CXCL16: variants seen among roughly 807,000 people sequenced by gnomAD.
The protein encoded by CXCL16 is C-X-C motif chemokine ligand 16, also known as C-X-C motif chemokine 16.
Under a neutral mutation model 23.8 loss-of-function variants are expected in CXCL16, and 18 were observed. That is an observed-to-expected ratio of 0.76 (90% CI 0.52 to 1.12). CXCL16 has a LOEUF of 1.12. Among genes scored for constraint, CXCL16 ranks in the 50% most tolerant of loss-of-function variants. The pLI, the probability that CXCL16 is intolerant of heterozygous loss-of-function variation, is 0.00. For synonymous variants in CXCL16, 123 were observed against 132.5 expected, an observed-to-expected ratio of 0.93 and a Z score of 0.49; for missense variants, 297 against 315.4, an observed-to-expected ratio of 0.94 and a Z score of 0.44.
chr17:4,739,530 G>A lies in CXCL16; in HGVS notation c.-191C>T, dbSNP rs1916281484. ...TGCCCCGACCGTGCGCTCAGTACTC[G>A]GCCCGCGCCATGCCAGCCTCTGGAC... On this transcript the variant is annotated 5_prime_UTR_variant, in exon 1 of 6. Transcript: ENST00000293778. This position sits in a 1 kb window ranked among gnomAD's most constrained non-coding sequence, Gnocchi z 5.3. The A allele has an allele frequency of 1.2e-6, 1 of 821,908 alleles. No individual in the cohort carries two copies. The highest frequency in any genetic ancestry group is 3.0e-5 in the East Asian group (1 of 33,350). The allele number at this position is 821,908 out of a possible 1,614,324, so 50.9% of individuals were successfully genotyped here.
rs1916262651 is a variant in CXCL16, at chr17:4,739,209, C to T, written c.79+52G>A. On this transcript the variant is annotated intron_variant, in intron 1 of 5. Coordinates refer to ENST00000293778, the MANE Select transcript of CXCL16 (RefSeq NM_001386809.1). This position sits in a 1 kb window ranked among gnomAD's most constrained non-coding sequence, Gnocchi z 5.3. ...GGCCTCGTGTCCCCTCCCCAACTCA[C>T]CCCCTTCCCGTGACAGGGGAATCTG... The T allele has an allele frequency of 6.5e-7, 1 of 1,550,308 alleles. No homozygotes were observed. Among genetic ancestry groups the T allele is most frequent in the Non-Finnish European group, 8.7e-7 (1 of 1,144,142 alleles).
chr17:4,734,488 C>CA lies in CXCL16; in HGVS notation c.*24-10dup. ...CAACATAGAGTCCGTCTCTAAAAAA[C>CA]AAAAAACAAAAACAAGTATGTATAC... On this transcript the variant is annotated splice_polypyrimidine_tract_variant and intron_variant, in intron 5 of 5. Transcript: ENST00000293778. 1 of 826,212 alleles carries CA rather than the reference C, an allele frequency of 1.2e-6. No individual in the cohort carries two copies. The highest frequency in any genetic ancestry group is 2.7e-5 in the East Asian group (1 of 37,098). The allele number at this position is 826,212 out of a possible 1,614,324, so 51.2% of individuals were successfully genotyped here.
chr17:4,735,242 T>G lies in CXCL16; in HGVS notation c.568A>C (p.Lys190Gln), dbSNP rs1916117944. The G allele has an allele frequency of 2.5e-6, 4 of 1,614,150 alleles. No homozygotes were observed. The East Asian group carries it at 8.9e-5, about 36-fold the overall frequency. ...GGACCAGCATTTTTTTCCGGCTGCT[T>G]CTGGTTCTCCCCAGCCTCAGGCCCA... ...AAGPEAGENQ[K>Q]QPEKNAGPTA... Residue 190 changes from lysine to glutamine, a missense_variant, in exon 4 of 6, where the codon AAG becomes CAG. Transcript: ENST00000293778.
chr17:4,737,007 G>T (rs1179531181), intron 3 of CXCL16, among the ~76,000 whole-genome samples: 1 of 151,686 alleles, frequency 6.6e-6, no homozygotes, highest in South Asian at 2.1e-4. Context: ...AGTAGAGATG[G>T]GGTTTTACCA....
Position 4,738,993 on chromosome 17 carries a change from A to G in CXCL16, c.80-73T>C, listed in dbSNP as rs1478067334. The G allele has an allele frequency of 7.7e-6, 12 of 1,550,786 alleles. No individual in the cohort carries two copies. The highest frequency in any genetic ancestry group is 2.3e-5 in the East Asian group (1 of 44,156). ...CCACTCCGCTGTTCCCTGGCATCCA[A>G]TCCACAGCCCCATGACAGCCTCTCG... On this transcript the variant is annotated intron_variant, in intron 1 of 5. Coordinates refer to ENST00000293778, the MANE Select transcript of CXCL16 (RefSeq NM_001386809.1). This position sits in a 1 kb window ranked among gnomAD's most constrained non-coding sequence, Gnocchi z 4.0.
Position 4,738,402 on chromosome 17 carries a change from T to C in CXCL16, c.301+6A>G, listed in dbSNP as rs1440237937. ...CAGAGCCTGAAGAGCAGTGGAAAAGTCTCACCTTTGAGATCAAGACAGCTC... is the reference window on the plus strand; with the variant it reads ...CAGAGCCTGAAGAGCAGTGGAAAAGCCTCACCTTTGAGATCAAGACAGCTC... On this transcript the variant is annotated splice_donor_region_variant and intron_variant, in intron 3 of 5. Transcript: ENST00000293778. This position sits in a 1 kb window ranked among gnomAD's most constrained non-coding sequence, Gnocchi z 4.0. The C allele has an allele frequency of 6.2e-7, 1 of 1,611,182 alleles. No individual in the cohort carries two copies.
At position 4,734,344 on chromosome 17, in the gene CXCL16, A is replaced by G. The variant is rs1156707894; in HGVS notation, c.*159T>C. ...GAGAGGGCAGTGGCTGGTTAGTCCT[A>G]TGTTAGATATTAACAAATACGTGTA... On this transcript the variant is annotated 3_prime_UTR_variant, in exon 6 of 6. Coordinates refer to ENST00000293778, the MANE Select transcript of CXCL16 (RefSeq NM_001386809.1). 4 of 387,480 alleles carry G rather than the reference A, an allele frequency of 1.0e-5. No individual in the cohort carries two copies. Among genetic ancestry groups the G allele is most frequent in the Admixed American group, 4.0e-5 (1 of 25,032 alleles). The allele number at this position is 387,480 out of a possible 1,614,324, so 24.0% of individuals were successfully genotyped here.
intron 4 of CXCL16, 44 bp from the exon 5 acceptor site, chr17:4,734,696 G>C: frequency 6.6e-7 from 1 of 1,525,566 alleles, no homozygotes; most frequent in Non-Finnish European, 9.1e-7. Context: ...TGAGATCAAG[G>C]ACAGTGTTTG....
Position 4,739,432 on chromosome 17 carries a change from G to A in CXCL16, c.-93C>T, listed in dbSNP as rs766669724. The A allele has an allele frequency of 5.0e-6, 8 of 1,587,670 alleles. No homozygotes were observed. In the African/African-American group the frequency reaches 5.4e-5, roughly 11 times the overall value. On this transcript the variant is annotated 5_prime_UTR_variant, in exon 1 of 6. Coordinates refer to ENST00000293778, the MANE Select transcript of CXCL16 (RefSeq NM_001386809.1). This position sits in a 1 kb window ranked among gnomAD's most constrained non-coding sequence, Gnocchi z 5.3. ...GTGACGTCCAGCTGGTGTCTCAATG[G>A]CTTTCGCCGGGGACCGGAGGAGACG...
At position 4,739,064 on chromosome 17, in the gene CXCL16, G is replaced by T. The variant is rs1273107065; in HGVS notation, c.80-144C>A. 9 of 1,191,124 alleles carry T rather than the reference G, an allele frequency of 7.6e-6. No individual in the cohort carries two copies. The highest frequency in any genetic ancestry group is 9.3e-6 in the Non-Finnish European group (8 of 860,914). The allele number at this position is 1,191,124 out of a possible 1,614,324, so 73.8% of individuals were successfully genotyped here. ...CCAGGCTCAACCCACACATCATCAC[G>T]CCCCCGACAACATCCATAATCCCGC... On this transcript the variant is annotated intron_variant, in intron 1 of 5. Coordinates refer to ENST00000293778, the MANE Select transcript of CXCL16 (RefSeq NM_001386809.1). This position sits in a 1 kb window ranked among gnomAD's most constrained non-coding sequence, Gnocchi z 5.3.
Position 4,739,120 on chromosome 17 carries a change from C to G in CXCL16, c.79+141G>C, listed in dbSNP as rs944375856. ...GCCAGGCGTCCCCGGGCCTCTGTCC[C>G]CAACCCCAGGCGGCTGGCTGGCTTT... On this transcript the variant is annotated intron_variant, in intron 1 of 5. Transcript: ENST00000293778. The surrounding 1 kb of genome is among the most constrained non-coding windows in gnomAD (Gnocchi z 5.3). The G allele has an allele frequency of 1.1e-4, 144 of 1,283,226 alleles. No individual in the cohort carries two copies. In the Middle Eastern group the frequency reaches 1.3e-3, roughly 12 times the overall value. 79.5% of individuals were successfully genotyped at this position (1,283,226 alleles called of 1,614,324 possible).
Position 4,739,382 on chromosome 17 carries a change from C to T in CXCL16, c.-43G>A. On this transcript the variant is annotated 5_prime_UTR_variant, in exon 1 of 6. Coordinates refer to ENST00000293778, the MANE Select transcript of CXCL16 (RefSeq NM_001386809.1). The surrounding 1 kb of genome is among the most constrained non-coding windows in gnomAD (Gnocchi z 5.3). ...TCTGCGGGGATGGAGCCACCTCGCT[C>T]TGACTCCCAGACATGCTCCGGCGCG... 4 of 1,612,460 alleles carry T rather than the reference C, an allele frequency of 2.5e-6. No homozygotes were observed. Among genetic ancestry groups the T allele is most frequent in the Non-Finnish European group, 3.4e-6 (4 of 1,179,768 alleles).
rs1479531123 is a variant in CXCL16, at chr17:4,739,108, G to T, written c.79+153C>A. The T allele has an allele frequency of 5.8e-6, 7 of 1,214,402 alleles. No individual in the cohort carries two copies. Among genetic ancestry groups the T allele is most frequent in the Admixed American group, 5.2e-5 (2 of 38,138 alleles). 75.2% of individuals were successfully genotyped at this position (1,214,402 alleles called of 1,614,324 possible). On this transcript the variant is annotated intron_variant, in intron 1 of 5. Transcript: ENST00000293778. The surrounding 1 kb of genome is among the most constrained non-coding windows in gnomAD (Gnocchi z 5.3). Reference sequence around the variant, plus strand: ...ATCCCGCCCGGAGCCAGGCGTCCCCGGGCCTCTGTCCCCAACCCCAGGCGG... The same window carrying T: ...ATCCCGCCCGGAGCCAGGCGTCCCCTGGCCTCTGTCCCCAACCCCAGGCGG...
rs1344485453 is a variant in CXCL16 at position 4,733,804 on chromosome 17, G to A, written c.*699C>T. 1 of 152,662 alleles carries A rather than the reference G, an allele frequency of 6.6e-6. No homozygotes were observed. The highest frequency in any genetic ancestry group is 2.4e-5 in the African/African-American group (1 of 41,422). The allele number at this position is 152,662 out of a possible 1,614,324, so 9.5% of individuals were successfully genotyped here. A position where few individuals can be genotyped will look rare whatever the true frequency, so the allele number is the denominator to read the frequency against. On this transcript the variant is annotated 3_prime_UTR_variant, in exon 6 of 6. Transcript: ENST00000293778. ...TGGGAGAGAGATTTGGGACGAGGGGGAACCATCAGCAAAAAATGAAGCCAG... is the reference window on the plus strand; with the variant it reads ...TGGGAGAGAGATTTGGGACGAGGGGAAACCATCAGCAAAAAATGAAGCCAG...
Position 4,738,846 on chromosome 17 carries a change from C to G in CXCL16, c.154G>C (p.Val52Leu). The G allele has an allele frequency of 6.2e-7, 1 of 1,614,168 alleles. No homozygotes were observed. The highest frequency in any genetic ancestry group is 8.5e-7 in the Non-Finnish European group (1 of 1,180,026). The change falls in exon 2 of 6, where the codon GTT (valine) becomes CTT (leucine). Residue 52 changes from valine (V) to leucine (L), a missense_variant. Physicochemically the swap from Val to Leu is conservative, Grantham distance 32. Transcript: ENST00000293778. This position sits in a 1 kb window ranked among gnomAD's most constrained non-coding sequence, Gnocchi z 4.0. ...KRISSDSPPS[V>L]QFMNRLRKHL... ...TTCCGGAGACGATTCATGAACTGAA[C>G]CGATGGCGGGGAGTCGGAAGAAATT...
Position 4,735,117 on chromosome 17 carries a change from C to T in CXCL16, c.693G>A (p.Arg231=). Residue 231 remains arginine (R), a synonymous_variant, in exon 4 of 6, where the codon AGG becomes AGA. Transcript: ENST00000293778. The part of the protein sequence containing the change: ...ALSYVLCKRR[R]GQSPQSSPDL... The stretch of plus-strand genomic sequence containing the variant: ...CTGGAGAGGACTGCGGTGACTGCCC[C>T]CTCCTCCTCTTGCACAGCACATAGG... The T allele has an allele frequency of 6.2e-7, 1 of 1,610,816 alleles. No individual in the cohort carries two copies. The highest frequency in any genetic ancestry group is 8.5e-7 in the Non-Finnish European group (1 of 1,177,542).
rs1000094385 is a variant in CXCL16, at chr17:4,738,000, C to T, written c.301+408G>A. ...CAAAAATTAGCCAGGCTTGGTGGTG[C>T]GCGCCTGTAATCCCAGCTACTCAGG... is the stretch of plus-strand genomic sequence containing the variant. On this transcript the variant is annotated intron_variant, in intron 3 of 5. Coordinates refer to ENST00000293778, the MANE Select transcript of CXCL16 (RefSeq NM_001386809.1). Among the ~76,000 whole-genome samples, 14 of 148,992 alleles carry T rather than the reference C, an allele frequency of 9.4e-5. 1 individual carries two copies. The highest frequency in any genetic ancestry group is 4.3e-4 in the Admixed American group (6 of 13,942).
chr17:4,738,642 C>T lies in CXCL16; in HGVS notation c.218+140G>A, dbSNP rs532276249. ...TAGGTGAGACGGAGTCATGAAGTTT[C>T]GGGGAATGAGAGCAAACGGAACCCG... On this transcript the variant is annotated intron_variant, in intron 2 of 5. Transcript: ENST00000293778. The surrounding 1 kb of genome is among the most constrained non-coding windows in gnomAD (Gnocchi z 4.0). 2.1e-4 allele frequency: 224 copies of T among 1,051,010 alleles called. 3 individuals are homozygous for T. Among genetic ancestry groups the T allele is most frequent in the South Asian group, 1.9e-3 (121 of 64,844 alleles). The allele number at this position is 1,051,010 out of a possible 1,614,324, so 65.1% of individuals were successfully genotyped here.
In CXCL16 at chr17:4,738,575, C is replaced by T; in HGVS notation, c.219-85G>A. 8.6e-7 allele frequency: 1 copy of T among 1,161,866 alleles called. No homozygotes were observed. The allele number at this position is 1,161,866 out of a possible 1,614,324, so 72.0% of individuals were successfully genotyped here. A position where few individuals can be genotyped will look rare whatever the true frequency, so the allele number is the denominator to read the frequency against. On this transcript the variant is annotated intron_variant, in intron 2 of 5. Transcript: ENST00000293778. This position sits in a 1 kb window ranked among gnomAD's most constrained non-coding sequence, Gnocchi z 4.0. ...TCATTCCAGAGGCGTGAAGTTGCCA[C>T]CAAGAAAGAGCCCTTTCTCCTGGGA...
Sources: allele counts gnomAD v4.1 joint callset (sites outside exome capture counted in the v4.1 genomes callset), GRCh38; gene constraint gnomAD v4.1.1; non-coding constraint Gnocchi (gnomAD v3.1); transcripts MANE v1.5; gene names NCBI Gene and HGNC (gene_info 2026-07-23, HGNC 2026-07-21).